Variants in PARD3B observed in about 807,000 individuals in gnomAD.
The protein encoded by PARD3B is partitioning defective 3 homolog B.
Under a neutral mutation model 130.2 loss-of-function variants are expected in PARD3B, and 103 were observed. That is an observed-to-expected ratio of 0.79 (90% CI 0.67 to 0.93). The LOEUF is 0.93. Ranked by LOEUF, PARD3B falls within the 40% of genes least tolerant of loss-of-function variation. The probability of loss-of-function intolerance (pLI) is 0.00; values close to 1 mark genes in which losing one functional copy is unlikely to be tolerated. For missense variants in PARD3B, 1,609 were observed against 1,499.2 expected (o/e 1.07, Z -1.21); for synonymous variants, 583 against 553.2 (o/e 1.05, Z -0.76).
At chr2:204,739,304 C>T (rs970742221) in intron 2 of PARD3B, among the ~76,000 whole-genome samples, 5 of 151,984 alleles carry the variant, frequency 3.3e-5, no homozygotes, top group African/African-American at 1.2e-4. Context: ...GTTCACTCAG[C>T]CTTTCCATTT....
intron 4 of PARD3B, among the ~76,000 whole-genome samples, chr2:205,065,895 G>A (rs115661623): frequency 6.6e-6 from 1 of 152,078 alleles, no homozygotes; most frequent in African/African-American, 2.4e-5. Context: ...CCCAATCTCA[G>A]ATACTCCATT....
At chr2:204,586,384 T>A (rs1486854638) in intron 1 of PARD3B, among the ~76,000 whole-genome samples, 4 of 152,202 alleles carry the variant, frequency 2.6e-5, no homozygotes, top group Non-Finnish European at 4.4e-5. Flanking sequence ...TTAACATATG[T>A]CACTGAACGG....
chr2:205,413,620 G>A (rs989021394), intron 19 of PARD3B, among the ~76,000 whole-genome samples: 3 of 151,956 alleles, frequency 2.0e-5, no homozygotes, highest in South Asian at 2.1e-4. Flanking sequence ...ATGAAATGGT[G>A]TCAAGAAATA....
At chr2:205,521,542 T>A (rs538657275) in intron 21 of PARD3B, among the ~76,000 whole-genome samples, 1 of 129,820 alleles carries the variant, frequency 7.7e-6, no homozygotes, top group Non-Finnish European at 1.6e-5. Context: ...TCTATCAAGA[T>A]GATTATATGA....
chr2:205,525,917 G>T lies in PARD3B; in HGVS notation c.3180+25886G>T, dbSNP rs2051316420. 6.6e-6 allele frequency among the ~76,000 whole-genome samples: 1 copy of T among 152,190 alleles called. No homozygotes were observed. The highest frequency in any genetic ancestry group is 1.5e-5 in the Non-Finnish European group (1 of 68,024). The stretch of plus-strand genomic sequence containing the variant: ...TGATCCTTTTTCAAAAATCATCTTA[G>T]AATCGAACCAGTCTTACTCTGATTT... On this transcript the variant is annotated intron_variant, in intron 21 of 22. Coordinates refer to ENST00000406610, the MANE Select transcript of PARD3B (RefSeq NM_001302769.2). The surrounding 1 kb of genome is among the most constrained non-coding windows in gnomAD (Gnocchi z 4.2).
chr2:205,518,677 T>G (rs1215271265), intron 21 of PARD3B, among the ~76,000 whole-genome samples: 1 of 152,208 alleles, frequency 6.6e-6, no homozygotes, highest in African/African-American at 2.4e-5. Context: ...ATAGTGACAC[T>G]GGTCTGTATG....
At chr2:205,072,341 C>T (rs765611169) in intron 4 of PARD3B, among the ~76,000 whole-genome samples, 2 of 151,948 alleles carry the variant, frequency 1.3e-5, no homozygotes, top group Admixed American at 6.6e-5. Context: ...CTTCTGCCCC[C>T]CTGGGTTCAA....
In PARD3B at chr2:205,461,969, A is replaced by G. The variant is rs548881217; in HGVS notation, c.3044+21297A>G. 2.1e-3 allele frequency among the ~76,000 whole-genome samples: 326 copies of G among 152,352 alleles called. 1 individual carries two copies. Among genetic ancestry groups the G allele is most frequent in the African/African-American group, 7.5e-3 (311 of 41,588 alleles). ...GTAGACTTTATGAGTAAGTGTGACA[A>G]TGGCCTAATGGAATGGACTTCTTTG... On this transcript the variant is annotated intron_variant, in intron 20 of 22. Transcript: ENST00000406610. The surrounding 1 kb of genome is among the most constrained non-coding windows in gnomAD (Gnocchi z 4.3).
intron 15 of PARD3B, among the ~76,000 whole-genome samples, chr2:205,203,875 CA>C (rs2037131249): frequency 6.6e-6 from 1 of 152,116 alleles, no homozygotes; most frequent in African/African-American, 2.4e-5. Context: ...GGATTGGTTC[CA>C]AGTCTTTGCT....
At chr2:205,488,559 T>G (rs1281398504) in intron 20 of PARD3B, among the ~76,000 whole-genome samples, 1 of 152,210 alleles carries the variant, frequency 6.6e-6, no homozygotes. Context: ...ACCCACTCAC[T>G]GCTGTTTCTT....
chr2:204,742,985 CTCTT>C (rs1404354414), intron 2 of PARD3B, among the ~76,000 whole-genome samples: 1 of 152,142 alleles, frequency 6.6e-6, no homozygotes, highest in Non-Finnish European at 1.5e-5. Context: ...GAAGTCCACA[CTCTT>C]TGTTTTGTAA....
At chr2:205,339,018 G>A (rs2043419779) in intron 18 of PARD3B, among the ~76,000 whole-genome samples, 1 of 152,144 alleles carries the variant, frequency 6.6e-6, no homozygotes, top group Non-Finnish European at 1.5e-5. Context: ...ATCTCTGGTA[G>A]CCTCTATTAA....
At chr2:204,988,830 G>C (rs1693400034) in intron 3 of PARD3B, among the ~76,000 whole-genome samples, 1 of 152,174 alleles carries the variant, frequency 6.6e-6, no homozygotes, top group Non-Finnish European at 1.5e-5. Flanking sequence ...CCATATTATA[G>C]GGTGACAGTT....
At chr2:205,472,773 G>A (rs1011342306) in intron 20 of PARD3B, among the ~76,000 whole-genome samples, 2 of 152,098 alleles carry the variant, frequency 1.3e-5, no homozygotes, top group African/African-American at 4.8e-5. Context: ...ATATAACAGA[G>A]GGAAAGGCAA....
chr2:205,224,769 C>T (rs1326917203), intron 15 of PARD3B, among the ~76,000 whole-genome samples: 1 of 151,966 alleles, frequency 6.6e-6, no homozygotes, highest in Non-Finnish European at 1.5e-5. Flanking sequence ...TTTTTTATGG[C>T]TGAATAGTAC....
At chr2:205,410,607 C>A (rs1479279662) in intron 19 of PARD3B, among the ~76,000 whole-genome samples, 4 of 152,054 alleles carry the variant, frequency 2.6e-5, no homozygotes, top group Non-Finnish European at 5.9e-5. Context: ...GTTTAGTGAA[C>A]CCAGAATATT....
intron 2 of PARD3B, among the ~76,000 whole-genome samples, chr2:204,855,567 ATAT>A (rs2044899823): frequency 6.7e-6 from 1 of 149,508 alleles, no homozygotes; most frequent in African/African-American, 2.4e-5. Flanking sequence ...ATATATATAT[ATAT>A]ATAAGGAATT....
intron 19 of PARD3B, among the ~76,000 whole-genome samples, chr2:205,419,314 C>G (rs751287237): frequency 1.0e-4 from 2 of 19,510 alleles, no homozygotes; most frequent in African/African-American, 2.4e-4. Context: ...TAAGATGTGA[C>G]TTGTTCCTTC....
chr2:205,141,401 A>G (rs2032939317), intron 10 of PARD3B, among the ~76,000 whole-genome samples: 1 of 152,356 alleles, frequency 6.6e-6, no homozygotes, highest in Non-Finnish European at 1.5e-5. Flanking sequence ...TCAATTGTTT[A>G]GATGTTGATG....
Sources: allele counts gnomAD v4.1 joint callset (sites outside exome capture counted in the v4.1 genomes callset), GRCh38; gene constraint gnomAD v4.1.1; non-coding constraint Gnocchi (gnomAD v3.1); transcripts MANE v1.5; gene names NCBI Gene and HGNC (gene_info 2026-07-23, HGNC 2026-07-21).